Variants in CERS6 observed in about 807,000 individuals in gnomAD.
CERS6 encodes LAG1 homolog, ceramide synthase 6.
In CERS6, 26 loss-of-function variants were observed where a neutral mutation model predicts 56.8. The observed-to-expected ratio is 0.46, with a 90% CI of 0.34 to 0.63. The LOEUF is 0.63. CERS6 is among the 30% of genes least tolerant of loss of function. The pLI is 0.01. For synonymous variants in CERS6, 164 were observed against 173.3 expected (o/e 0.95, Z 0.42); for missense variants, 415 against 467.5 (o/e 0.89, Z 1.04).
chr2:168,684,642 C>T (rs2105354089), intron 4 of CERS6, among the ~76,000 whole-genome samples: 1 of 152,096 alleles, frequency 6.6e-6, no homozygotes, highest in Admixed American at 6.5e-5. Flanking sequence ...GAGAAATAAG[C>T]AAAGATGTTG....
At chr2:168,603,338 G>A (rs1394474438) in intron 3 of CERS6, among the ~76,000 whole-genome samples, 3 of 152,200 alleles carry the variant, frequency 2.0e-5, no homozygotes, top group Non-Finnish European at 4.4e-5. Context: ...AGGGAGGTAA[G>A]TGAGGGATCT....
chr2:168,750,047 G>T (rs950956115), intron 8 of CERS6, among the ~76,000 whole-genome samples: 13 of 152,346 alleles, frequency 8.5e-5, no homozygotes, highest in Admixed American at 6.5e-4. Flanking sequence ...TAACTTCCAG[G>T]TGTTGGCTTG....
intron 4 of CERS6, among the ~76,000 whole-genome samples, chr2:168,649,309 C>T (rs1024608521): frequency 6.6e-6 from 1 of 152,118 alleles, no homozygotes; most frequent in Non-Finnish European, 1.5e-5. Flanking sequence ...CTGGCATCAG[C>T]CCCAGGTCGT....
At chr2:168,542,581 A>G (rs1402698276) in intron 1 of CERS6, among the ~76,000 whole-genome samples, 1 of 152,242 alleles carries the variant, frequency 6.6e-6, no homozygotes, top group Non-Finnish European at 1.5e-5. Flanking sequence ...ACTTGAGATG[A>G]TTAAATATTT....
chr2:168,569,632 T>C (rs1162990094), intron 3 of CERS6, among the ~76,000 whole-genome samples: 2 of 152,222 alleles, frequency 1.3e-5, no homozygotes, highest in Admixed American at 6.5e-5. Context: ...AAATCAGATA[T>C]AAGCAAATAT....
rs80179284 is a variant in CERS6, at chr2:168,690,634, G to A, written c.466-400G>A. ...TAAACATTGAGTCTGAGGAGTTTCA[G>A]GGCAGTTTATACTAGCTGTCATCAA... On this transcript the variant is annotated intron_variant, in intron 4 of 9. Transcript: ENST00000305747. Among the ~76,000 whole-genome samples, 1,316 of 152,204 alleles carry A rather than the reference G, an allele frequency of 8.6e-3. 19 individuals are homozygous for A. The highest frequency in any genetic ancestry group is 0.03 in the African/African-American group (1,233 of 41,520).
rs139959553 is a variant in CERS6 at position 168,757,916 on chromosome 2, C to T, written c.846-7676C>T. Among the ~76,000 whole-genome samples, 206 of 152,214 alleles carry T rather than the reference C, an allele frequency of 1.4e-3. 1 individual carries two copies. Among genetic ancestry groups the T allele is most frequent in the African/African-American group, 4.7e-3 (195 of 41,534 alleles). On this transcript the variant is annotated intron_variant, in intron 8 of 9. Coordinates refer to ENST00000305747, the MANE Select transcript of CERS6 (RefSeq NM_203463.3). ...TTAAAAGGAAGGAAATTGGAAACAT[C>T]GTTCTCAGCCTTGTAATAGCCTTGA... is the stretch of plus-strand genomic sequence containing the variant.
At chr2:168,722,566 C>T (rs781616714) in intron 8 of CERS6, among the ~76,000 whole-genome samples, 31 of 152,158 alleles carry the variant, frequency 2.0e-4, no homozygotes, top group Non-Finnish European at 3.2e-4. Context: ...ATCTTCAGCA[C>T]GTAACTCTAA....
intron 1 of CERS6, among the ~76,000 whole-genome samples, chr2:168,520,808 C>A (rs955591429): frequency 6.6e-6 from 1 of 151,598 alleles, no homozygotes; most frequent in Non-Finnish European, 1.5e-5. Flanking sequence ...AGGGGTTTCA[C>A]CATGTTGGCC....
At chr2:168,582,415 T>TCTG (rs1683435966) in intron 3 of CERS6, among the ~76,000 whole-genome samples, 4 of 152,176 alleles carry the variant, frequency 2.6e-5, no homozygotes, top group African/African-American at 9.7e-5. Context: ...CTTCTTACTA[T>TCTG]CTTGTCACCT....
chr2:168,485,843 A>T (rs1222931765), intron 1 of CERS6, among the ~76,000 whole-genome samples: 1 of 152,184 alleles, frequency 6.6e-6, no homozygotes, highest in Non-Finnish European at 1.5e-5. Flanking sequence ...TTTTCAAACC[A>T]TTTGGGTTAA....
intron 1 of CERS6, among the ~76,000 whole-genome samples, chr2:168,525,905 A>G (rs752176215): frequency 1.3e-4 from 20 of 152,176 alleles, no homozygotes; most frequent in African/African-American, 2.4e-5. Context: ...AATGACCTTC[A>G]TTTTAAAAAT....
chr2:168,710,146 T>TA (rs551756444), intron 6 of CERS6, among the ~76,000 whole-genome samples: 60 of 152,198 alleles, frequency 3.9e-4, no homozygotes, highest in Admixed American at 3.3e-3. Context: ...AAATTTTGTC[T>TA]AAAAAACAAG....
In CERS6 at chr2:168,697,731, G is replaced by T. The variant is rs76939698; in HGVS notation, c.609+2680G>T. Reference sequence around the variant, plus strand: ...CCTTGCCATGCTCCTGACATTACAGGTAGTTAGCCTTTAACAGCTCTTTGC... The same window carrying T: ...CCTTGCCATGCTCCTGACATTACAGTTAGTTAGCCTTTAACAGCTCTTTGC... On this transcript the variant is annotated intron_variant, in intron 6 of 9. Transcript: ENST00000305747. Among the ~76,000 whole-genome samples, 809 of 152,236 alleles carry T rather than the reference G, an allele frequency of 5.3e-3. 12 individuals carry two copies. The highest frequency in any genetic ancestry group is 0.019 in the African/African-American group (770 of 41,544).
rs2105312649 is a variant in CERS6, at chr2:168,456,884, T to A, written c.170+266T>A. Reference sequence around the variant, plus strand: ...CGCCCCCTGCCCTCCTCCTGGGCCCTGCTCTCCTCCCGGCAAGGGCAGGCG... The same window carrying A: ...CGCCCCCTGCCCTCCTCCTGGGCCCAGCTCTCCTCCCGGCAAGGGCAGGCG... On this transcript the variant is annotated intron_variant, in intron 1 of 9. Transcript: ENST00000305747. The surrounding 1 kb of genome is among the most constrained non-coding windows in gnomAD (Gnocchi z 4.1). 1.3e-5 allele frequency among the ~76,000 whole-genome samples: 2 copies of A among 152,282 alleles called. No homozygotes were observed. Among genetic ancestry groups the A allele is most frequent in the South Asian group, 4.1e-4 (2 of 4,828 alleles).
chr2:168,658,126 A>T (rs1685537604), intron 4 of CERS6, among the ~76,000 whole-genome samples: 1 of 152,242 alleles, frequency 6.6e-6, no homozygotes, highest in African/African-American at 2.4e-5. Flanking sequence ...TCTGTGCCTC[A>T]GTTTCCTTAT....
At chr2:168,576,356 G>A (rs1683269753) in intron 3 of CERS6, among the ~76,000 whole-genome samples, 1 of 152,074 alleles carries the variant, frequency 6.6e-6, no homozygotes, top group Admixed American at 6.6e-5. Context: ...GGACTGATTT[G>A]CAATGTGTTT....
Position 168,456,347 on chromosome 2 carries a change from G to T in CERS6, c.-102G>T. 1.3e-6 allele frequency: 1 copy of T among 792,522 alleles called. No homozygotes were observed. The highest frequency in any genetic ancestry group is 1.7e-6 in the Non-Finnish European group (1 of 597,230). 49.1% of individuals were successfully genotyped at this position (792,522 alleles called of 1,614,324 possible). ...GGCGGGCGGGAGCAGCGGCGGCGGC[G>T]GCACAGGCTCGGGGCCAGCCGGGCG... On this transcript the variant is annotated 5_prime_UTR_variant, in exon 1 of 10. Coordinates refer to ENST00000305747, the MANE Select transcript of CERS6 (RefSeq NM_203463.3). The surrounding 1 kb of genome is among the most constrained non-coding windows in gnomAD (Gnocchi z 4.1).
chr2:168,691,029 T>G lies in CERS6; in HGVS notation c.466-5T>G, dbSNP rs527624779. 6.2e-7 allele frequency: 1 copy of G among 1,612,810 alleles called. No homozygotes were observed. Among genetic ancestry groups the G allele is most frequent in the African/African-American group, 1.3e-5 (1 of 74,982 alleles). On this transcript the variant is annotated splice_polypyrimidine_tract_variant and splice_region_variant and intron_variant, in intron 4 of 9. Transcript: ENST00000305747. ...ATGTAAAATATTTTTTGTCATTTTT[T>G]TCAGACCCCCTGGTTGTGGAATACG...
Sources: gnomAD v4.1 joint callset for allele counts (sites outside exome capture counted in the v4.1 genomes callset) on GRCh38, gnomAD v4.1.1 for gene constraint, Gnocchi (gnomAD v3.1) non-coding constraint, MANE v1.5 for transcripts, NCBI Gene and HGNC (gene_info 2026-07-23, HGNC 2026-07-21) for gene names.